The following UBE2V1 variants were observed in gnomAD, a reference collection of about 807,000 sequenced individuals.
UBE2V1 encodes the protein ubiquitin-conjugating enzyme E2 variant 1.
UBE2V1 carries 15 observed loss-of-function variants against 19.6 expected under a neutral mutation model. The observed-to-expected ratio is 0.77, with a 90% CI of 0.51 to 1.18. The LOEUF (loss-of-function observed/expected upper bound fraction) is 1.18. Ranked by LOEUF, UBE2V1 falls within the 50% of genes most tolerant of loss-of-function variation. UBE2V1 has a pLI of 0.00. For missense variants in UBE2V1, 125 were observed against 184.8 expected, an observed-to-expected ratio of 0.68 and a Z score of 1.88; for synonymous variants, 60 against 60.7, an observed-to-expected ratio of 0.99 and a Z score of 0.05.
intron 2 of UBE2V1, among the ~76,000 whole-genome samples, chr20:50,085,781 ACCCTCAACCTG>A (rs1317288792): frequency 6.6e-6 from 1 of 151,992 alleles, no homozygotes; most frequent in Non-Finnish European, 1.5e-5. Flanking sequence ...ATTTCTACCT[ACCCTCAACCTG>A]CCCTCTTCCT....
chr20:50,086,555 C>G (rs2078925125), intron 2 of UBE2V1, among the ~76,000 whole-genome samples: 1 of 152,114 alleles, frequency 6.6e-6, no homozygotes, highest in South Asian at 2.1e-4. Flanking sequence ...ATCCTCAGAA[C>G]CTATCATAGT....
At chr20:50,105,909 AAC>A (rs2080323232) in intron 1 of UBE2V1, among the ~76,000 whole-genome samples, 2 of 152,168 alleles carry the variant, frequency 1.3e-5, no homozygotes, top group African/African-American at 4.8e-5. Context: ...CAGCCTGGGC[AAC>A]AGAGACTCGT....
chr20:50,099,735 C>T (rs1457477579), intron 1 of UBE2V1, among the ~76,000 whole-genome samples: 1 of 152,172 alleles, frequency 6.6e-6, no homozygotes, highest in African/African-American at 2.4e-5. Flanking sequence ...AAGGGTTCTT[C>T]TCTGAGTAGG....
chr20:50,093,987 C>CAAAAAAAAAA (rs60174191), intron 2 of UBE2V1, among the ~76,000 whole-genome samples: 10 of 56,270 alleles, frequency 1.8e-4, no homozygotes, highest in East Asian at 1.4e-3. Flanking sequence ...GACTCCAACT[C>CAAAAAAAAAA]AAAAAAAAAA....
intron 3 of UBE2V1, among the ~76,000 whole-genome samples, chr20:50,083,216 C>T (rs573290347): frequency 1.3e-5 from 2 of 152,210 alleles, no homozygotes; most frequent in Admixed American, 6.5e-5. Flanking sequence ...GCTGGGCTGG[C>T]GGCTGCCGGG....
chr20:50,113,815 AAAC>A, upstream of UBE2V1, among the ~76,000 whole-genome samples: 1 of 29,178 alleles, frequency 3.4e-5, no homozygotes, highest in Non-Finnish European at 5.3e-5. Context: ...TCATTCAACC[AAAC>A]AAACAAACAT....
At chr20:50,092,017 C>G (rs976619524) in intron 2 of UBE2V1, among the ~76,000 whole-genome samples, 5 of 152,082 alleles carry the variant, frequency 3.3e-5, no homozygotes, top group African/African-American at 1.2e-4. Flanking sequence ...CATCCAGGCT[C>G]TAATCCACAC....
At chr20:50,089,309 C>T (rs1318106096) in intron 2 of UBE2V1, among the ~76,000 whole-genome samples, 1 of 152,130 alleles carries the variant, frequency 6.6e-6, no homozygotes, top group African/African-American at 2.4e-5. Flanking sequence ...GCTGCTAGAA[C>T]CTCCAAGGAG....
intron 1 of UBE2V1, chr20:50,111,438 C>T: frequency 2.0e-6 from 2 of 1,000,328 alleles, no homozygotes; most frequent in Non-Finnish European, 2.4e-6. Context: ...TCGTTTATTA[C>T]GACCCGGTAG....
chr20:50,106,724 G>C (rs1210251425), intron 1 of UBE2V1, among the ~76,000 whole-genome samples: 1 of 152,062 alleles, frequency 6.6e-6, no homozygotes, highest in Non-Finnish European at 1.5e-5. Flanking sequence ...AGCTACTCAG[G>C]GGGCTGAGGC....
chr20:50,091,068 CAAGAGTCTCACT>C (rs2079190540), intron 2 of UBE2V1, among the ~76,000 whole-genome samples: 1 of 152,014 alleles, frequency 6.6e-6, no homozygotes, highest in African/African-American at 2.4e-5. Context: ...TTTTTTGAGA[CAAGAGTCTCACT>C]CTGTCACCCA....
intron 2 of UBE2V1, among the ~76,000 whole-genome samples, chr20:50,091,169 CT>C (rs2079197761): frequency 6.6e-6 from 1 of 152,080 alleles, no homozygotes; most frequent in African/African-American, 2.4e-5. Flanking sequence ...TCCTCAGCCT[CT>C]TGAGTAGCTG....
intron 2 of UBE2V1, among the ~76,000 whole-genome samples, chr20:50,094,050 A>G (rs1410728119): frequency 7.2e-6 from 1 of 139,262 alleles, no homozygotes; most frequent in Non-Finnish European, 1.5e-5. Context: ...TATATATAAA[A>G]TATATTATGT....
At chr20:50,100,907 C>G (rs1222858687) in intron 1 of UBE2V1, among the ~76,000 whole-genome samples, 1 of 152,158 alleles carries the variant, frequency 6.6e-6, no homozygotes, top group Non-Finnish European at 1.5e-5. Flanking sequence ...CTATTAGTTT[C>G]AAAACAGTGA....
At chr20:50,085,196 C>T (rs560542872) in intron 2 of UBE2V1, among the ~76,000 whole-genome samples, 119 of 152,170 alleles carry the variant, frequency 7.8e-4, no homozygotes, top group Middle Eastern at 6.8e-3. Context: ...AGCCAAAAAC[C>T]GTCCTTCTTT....
upstream of UBE2V1, chr20:50,115,385 G>C: frequency 7.3e-7 from 1 of 1,373,782 alleles, no homozygotes; most frequent in Non-Finnish European, 9.5e-7. Context: ...CGTGATACAA[G>C]TTTGCTTTGG....
At chr20:50,085,251 C>A (rs1462181617) in intron 2 of UBE2V1, among the ~76,000 whole-genome samples, 1 of 152,070 alleles carries the variant, frequency 6.6e-6, no homozygotes, top group Non-Finnish European at 1.5e-5. Context: ...AAAAGTCCAA[C>A]CCCCTATGCC....
intron 1 of UBE2V1, among the ~76,000 whole-genome samples, 196 bp downstream of exon 1, chr20:50,112,911 C>T (rs1346024404): frequency 6.6e-6 from 1 of 152,182 alleles, no homozygotes; most frequent in African/African-American, 2.4e-5. Flanking sequence ...CCACAGGCCC[C>T]TCAGCCCCCC....
chr20:50,096,422 A>C (rs1164551578), intron 2 of UBE2V1: 1 of 865,152 alleles, frequency 1.2e-6, no homozygotes, highest in Non-Finnish European at 1.7e-6. Flanking sequence ...ATGACTTCAC[A>C]CCTCACTGTC....
Sources: gnomAD v4.1 joint callset for allele counts (sites outside exome capture counted in the v4.1 genomes callset) on GRCh38, gnomAD v4.1.1 for gene constraint, MANE v1.5 for transcripts, NCBI Gene and HGNC (gene_info 2026-07-23, HGNC 2026-07-21) for gene names.